Variants in LRMDA observed in about 807,000 individuals in gnomAD.
LRMDA encodes the protein leucine rich melanocyte differentiation associated.
In LRMDA, 18 loss-of-function variants were observed where a neutral mutation model predicts 29.8. The ratio of observed to expected loss-of-function variants is 0.60; its 90% CI spans 0.42 to 0.90. The LOEUF (loss-of-function observed/expected upper bound fraction) is 0.90, where lower values mean the gene tolerates loss of function less well. Ranked by LOEUF, LRMDA falls within the 40% of genes least tolerant of loss-of-function variation. The pLI, the probability that LRMDA is intolerant of heterozygous loss-of-function variation, is 0.00. For synonymous variants in LRMDA, 125 were observed against 109.4 expected (o/e 1.14, Z -0.89); for missense variants, 273 against 273.9 (o/e 1.00, Z 0.02).
intron 5 of LRMDA, among the ~76,000 whole-genome samples, chr10:76,126,593 C>T (rs893867856): frequency 6.6e-6 from 1 of 152,188 alleles, no homozygotes; most frequent in Non-Finnish European, 1.5e-5. Context: ...TACATCTGGG[C>T]TTCTGTTTCT....
At chr10:75,819,907 T>C (rs1472793384) in intron 2 of LRMDA, among the ~76,000 whole-genome samples, 1 of 152,134 alleles carries the variant, frequency 6.6e-6, no homozygotes, top group Non-Finnish European at 1.5e-5. Flanking sequence ...ACCAAAGACG[T>C]AGTAGAAAAA....
intron 2 of LRMDA, among the ~76,000 whole-genome samples, chr10:75,616,832 T>A (rs1170106536): frequency 2.6e-5 from 4 of 152,214 alleles, no homozygotes; most frequent in Non-Finnish European, 5.9e-5. Flanking sequence ...ATGGTTTGAT[T>A]TGAAGGGATT....
At chr10:76,365,198 G>A (rs1187532950) in intron 6 of LRMDA, among the ~76,000 whole-genome samples, 1 of 150,810 alleles carries the variant, frequency 6.6e-6, no homozygotes, top group East Asian at 1.9e-4. Flanking sequence ...ATTGTGAATT[G>A]TGCTCCTGTA....
intron 2 of LRMDA, among the ~76,000 whole-genome samples, chr10:75,878,776 G>A (rs1845243736): frequency 6.6e-6 from 1 of 152,138 alleles, no homozygotes; most frequent in African/African-American, 2.4e-5. Flanking sequence ...GACGGTACCA[G>A]GAGTGTAGTC....
At chr10:76,124,385 A>G (rs1245147991) in intron 5 of LRMDA, among the ~76,000 whole-genome samples, 2 of 152,228 alleles carry the variant, frequency 1.3e-5, no homozygotes, top group Non-Finnish European at 1.5e-5. Context: ...TGATGCTACC[A>G]GGACACAGGA....
chr10:76,047,834 C>T (rs1350074645), intron 4 of LRMDA, among the ~76,000 whole-genome samples: 1 of 152,156 alleles, frequency 6.6e-6, no homozygotes, highest in Non-Finnish European at 1.5e-5. Flanking sequence ...AGAGGAAGTC[C>T]CACAGGCCCA....
At chr10:76,553,491 G>A (rs1843519668) in intron 6 of LRMDA, among the ~76,000 whole-genome samples, 1 of 152,210 alleles carries the variant, frequency 6.6e-6, no homozygotes, top group South Asian at 2.1e-4. Flanking sequence ...GTTGATGGCA[G>A]TTGCCATGGC....
intron 2 of LRMDA, among the ~76,000 whole-genome samples, chr10:76,007,621 C>T (rs1311967761): frequency 6.6e-6 from 1 of 152,204 alleles, no homozygotes; most frequent in Non-Finnish European, 1.5e-5. Context: ...GTTCTCCCTT[C>T]TCCCCGCCAT....
At chr10:75,534,226 CTGTT>C (rs1735693255) in intron 2 of LRMDA, among the ~76,000 whole-genome samples, 1 of 152,234 alleles carries the variant, frequency 6.6e-6, no homozygotes, top group African/African-American at 2.4e-5. Context: ...AAACCTGTGT[CTGTT>C]TGAGATTCAA....
chr10:75,635,866 C>T (rs1198644474), intron 2 of LRMDA, among the ~76,000 whole-genome samples: 5 of 151,752 alleles, frequency 3.3e-5, no homozygotes, highest in East Asian at 1.9e-4. Context: ...GTTGTGGGCT[C>T]GTACTGCACC....
intron 2 of LRMDA, among the ~76,000 whole-genome samples, chr10:75,796,917 T>C (rs1164759419): frequency 6.6e-6 from 1 of 152,218 alleles, no homozygotes; most frequent in Non-Finnish European, 1.5e-5. Flanking sequence ...TGATAAAAAA[T>C]TGTGGTAATT....
intron 6 of LRMDA, among the ~76,000 whole-genome samples, chr10:76,536,474 C>G (rs1032025897): frequency 6.6e-6 from 1 of 152,116 alleles, no homozygotes; most frequent in African/African-American, 2.4e-5. Flanking sequence ...GAAAGAAGCT[C>G]TCCAGGTGAT....
intron 6 of LRMDA, among the ~76,000 whole-genome samples, chr10:76,548,218 C>T (rs1427254235): frequency 3.3e-5 from 5 of 151,982 alleles, no homozygotes; most frequent in Non-Finnish European, 4.4e-5. Flanking sequence ...TATTTTTCTC[C>T]GCTGTAAAAT....
intron 5 of LRMDA, among the ~76,000 whole-genome samples, chr10:76,078,693 G>A (rs1173680645): frequency 1.3e-5 from 2 of 152,042 alleles, no homozygotes; most frequent in Non-Finnish European, 2.9e-5. Context: ...AAAATTAGCC[G>A]GACATGGTGG....
intron 2 of LRMDA, among the ~76,000 whole-genome samples, chr10:75,969,953 A>C (rs146686440): frequency 3.5e-4 from 53 of 152,286 alleles, no homozygotes; most frequent in African/African-American, 1.2e-3. Flanking sequence ...GTACAAATGG[A>C]ATTGTCTGAG....
At chr10:76,271,856 A>G (rs746963297) in intron 5 of LRMDA, among the ~76,000 whole-genome samples, 2 of 152,208 alleles carry the variant, frequency 1.3e-5, no homozygotes, top group South Asian at 2.1e-4. Flanking sequence ...AATTAATTCC[A>G]TATACTTGTG....
intron 2 of LRMDA, among the ~76,000 whole-genome samples, chr10:75,855,001 T>C (rs1844799881): frequency 6.6e-6 from 1 of 152,230 alleles, no homozygotes; most frequent in Non-Finnish European, 1.5e-5. Flanking sequence ...AAGTCTTTGC[T>C]ATTGTGAATA....
At chr10:75,599,782 T>G (rs924397636) in intron 2 of LRMDA, among the ~76,000 whole-genome samples, 3 of 152,280 alleles carry the variant, frequency 2.0e-5, no homozygotes, top group African/African-American at 7.2e-5. Flanking sequence ...TAAATTTTAT[T>G]TGCTTTTAAT....
chr10:76,152,272 A>AGT (rs1222087658), intron 5 of LRMDA, among the ~76,000 whole-genome samples: 1 of 152,224 alleles, frequency 6.6e-6, no homozygotes, highest in African/African-American at 2.4e-5. Flanking sequence ...GTCATACAAC[A>AGT]TGTAGCCTTT....
Sources: gnomAD v4.1 joint callset for allele counts (sites outside exome capture counted in the v4.1 genomes callset) on GRCh38, gnomAD v4.1.1 for gene constraint, MANE v1.5 for transcripts, NCBI Gene and HGNC (gene_info 2026-07-23, HGNC 2026-07-21) for gene names.